RCL1: variants seen among roughly 807,000 people sequenced by gnomAD.
The protein encoded by RCL1 is RNA terminal phosphate cyclase like 1, also known as RNA 3'-terminal phosphate cyclase-like protein.
RCL1 carries 24 observed loss-of-function variants against 42.4 expected under a neutral mutation model. That is an observed-to-expected ratio of 0.57 (90% CI 0.41 to 0.80). RCL1 has a LOEUF of 0.80. Among genes scored for constraint, RCL1 ranks in the 30% least tolerant of loss-of-function variants. The probability of loss-of-function intolerance (pLI) is 0.00; values close to 1 mark genes in which losing one functional copy is unlikely to be tolerated. For missense variants in RCL1, 578 were observed against 467.9 expected, an observed-to-expected ratio of 1.24 and a Z score of -2.17; for synonymous variants, 228 against 177.3, an observed-to-expected ratio of 1.29 and a Z score of -2.27.
chr9:4,796,982 C>T (rs1842923710), intron 1 of RCL1, among the ~76,000 whole-genome samples: 1 of 152,078 alleles, frequency 6.6e-6, no homozygotes, highest in African/African-American at 2.4e-5. Context: ...TCAAAAAGTT[C>T]TTTATTTTCT....
chr9:4,806,046 T>TGTGTG (rs1587696264), intron 1 of RCL1, among the ~76,000 whole-genome samples: 8 of 71,318 alleles, frequency 1.1e-4, no homozygotes, highest in South Asian at 4.3e-4. Context: ...GTGTGTGTGT[T>TGTGTG]TGTGTGTGTG....
At chr9:4,859,104 G>A (rs1257292733) in intron 8 of RCL1, among the ~76,000 whole-genome samples, 1 of 152,126 alleles carries the variant, frequency 6.6e-6, no homozygotes, top group African/African-American at 2.4e-5. Context: ...TTATGGTCAG[G>A]CTAGCTGGGG....
chr9:4,811,540 C>G (rs1209465139), intron 1 of RCL1, among the ~76,000 whole-genome samples: 2 of 152,124 alleles, frequency 1.3e-5, no homozygotes, highest in African/African-American at 4.8e-5. Context: ...TCTGGCTTAT[C>G]TTACTTAACA....
At chr9:4,831,468 T>C (rs1271301407) in intron 3 of RCL1, among the ~76,000 whole-genome samples, 1 of 152,186 alleles carries the variant, frequency 6.6e-6, no homozygotes, top group Non-Finnish European at 1.5e-5. Flanking sequence ...ATTAAGTTTT[T>C]GAGTGTGCTT....
At chr9:4,835,271 A>G (rs568362782) in intron 5 of RCL1, among the ~76,000 whole-genome samples, 8 of 152,366 alleles carry the variant, frequency 5.3e-5, no homozygotes, top group South Asian at 2.1e-4. Flanking sequence ...TGAAAGCAAG[A>G]GTTAAGTAAG....
At position 4,804,772 on chromosome 9, in the gene RCL1, G is replaced by T. The variant is rs147886006; in HGVS notation, c.136+11545G>T. On this transcript the variant is annotated intron_variant, in intron 1 of 8. Coordinates refer to ENST00000381750, the MANE Select transcript of RCL1 (RefSeq NM_005772.5). ...ACGGTGGCGGCCACTGACTCCTGCC[G>T]GAGCAGCGAATTGGAAGGGATGAAG... 303 of 181,774 alleles carry T rather than the reference G, an allele frequency of 1.7e-3. 4 individuals carry two copies. The highest frequency in any genetic ancestry group is 6.1e-3 in the African/African-American group (255 of 41,842). The allele number at this position is 181,774 out of a possible 1,614,324, so 11.3% of individuals were successfully genotyped here.
chr9:4,812,899 CT>C (rs1816230626), intron 1 of RCL1, among the ~76,000 whole-genome samples: 1 of 151,954 alleles, frequency 6.6e-6, no homozygotes, highest in African/African-American at 2.4e-5. Flanking sequence ...AAAAATGTTA[CT>C]GATTTTTGTG....
intron 1 of RCL1, 86 bp downstream of exon 1, chr9:4,793,313 T>C (rs1842861555): frequency 7.1e-7 from 1 of 1,406,210 alleles, no homozygotes. Context: ...GCGGTGTTGG[T>C]TGGGCGGCTC....
At chr9:4,835,118 A>G (rs1817079360) in intron 5 of RCL1, among the ~76,000 whole-genome samples, 1 of 152,150 alleles carries the variant, frequency 6.6e-6, no homozygotes, top group Admixed American at 6.5e-5. Context: ...GTGTGGCCAG[A>G]TTTCAGGTTG....
chr9:4,816,033 C>T (rs1352456618), intron 1 of RCL1, among the ~76,000 whole-genome samples: 1 of 152,086 alleles, frequency 6.6e-6, no homozygotes, highest in Non-Finnish European at 1.5e-5. Context: ...CACCCTTCCT[C>T]AGTTATTTGT....
intron 1 of RCL1, among the ~76,000 whole-genome samples, chr9:4,821,655 TC>T (rs1341844847): frequency 6.6e-6 from 1 of 150,626 alleles, no homozygotes; most frequent in Non-Finnish European, 1.5e-5. Flanking sequence ...TTTTTTTTTT[TC>T]CCCCCAGAGA....
intron 7 of RCL1, among the ~76,000 whole-genome samples, chr9:4,847,966 C>T (rs1205380938): frequency 2.0e-5 from 3 of 152,200 alleles, no homozygotes; most frequent in Non-Finnish European, 4.4e-5. Flanking sequence ...GGTGACACCT[C>T]CCCCCAGCAT....
intron 1 of RCL1, among the ~76,000 whole-genome samples, chr9:4,806,587 TACACAC>T (rs71326137): frequency 0.078 from 10,569 of 135,656 alleles, 439 homozygotes; most frequent in Non-Finnish European, 0.1. Context: ...CTACTTGATC[TACACAC>T]ACACACACAC....
intron 3 of RCL1, among the ~76,000 whole-genome samples, chr9:4,829,469 A>T (rs958525805): frequency 2.6e-5 from 4 of 152,198 alleles, no homozygotes; most frequent in African/African-American, 9.6e-5. Flanking sequence ...ATAATGAGTG[A>T]TGCTTTTTAT....
At chr9:4,828,741 G>A (rs1322785574) in intron 3 of RCL1, among the ~76,000 whole-genome samples, 1 of 152,074 alleles carries the variant, frequency 6.6e-6, no homozygotes, top group East Asian at 1.9e-4. Flanking sequence ...TATCTTAAAA[G>A]CTTTTCTCAC....
At chr9:4,820,228 C>T (rs964105677) in intron 1 of RCL1, among the ~76,000 whole-genome samples, 1 of 152,166 alleles carries the variant, frequency 6.6e-6, no homozygotes, top group African/African-American at 2.4e-5. Context: ...GAAGAGGAGT[C>T]AGCAGGGTGT....
intron 5 of RCL1, among the ~76,000 whole-genome samples, chr9:4,837,729 C>A (rs886268941): frequency 2.0e-5 from 3 of 152,148 alleles, no homozygotes; most frequent in African/African-American, 7.2e-5. Context: ...GTGCCGGGCA[C>A]CTTGGGTGTA....
chr9:4,797,290 T>C (rs1842928170), intron 1 of RCL1, among the ~76,000 whole-genome samples: 1 of 152,234 alleles, frequency 6.6e-6, no homozygotes, highest in Admixed American at 6.5e-5. Flanking sequence ...GATTTTATTA[T>C]TATGTAGCTT....
In RCL1 at chr9:4,831,840, G is replaced by T. The variant is rs1208515325; in HGVS notation, c.385-1314G>T. 3.9e-5 allele frequency among the ~76,000 whole-genome samples: 6 copies of T among 152,206 alleles called. No homozygotes were observed. In the East Asian group the frequency reaches 9.6e-4, roughly 24 times the overall value. On this transcript the variant is annotated intron_variant, in intron 3 of 8. Coordinates refer to ENST00000381750, the MANE Select transcript of RCL1 (RefSeq NM_005772.5). ...ATATTTAGTTGGGGCTTCTTAGCCT[G>T]TTAGAGTTAGTTGTAACTTGGAGAT...
Sources: gnomAD v4.1 joint callset for allele counts (sites outside exome capture counted in the v4.1 genomes callset) on GRCh38, gnomAD v4.1.1 for gene constraint, MANE v1.5 for transcripts, NCBI Gene and HGNC (gene_info 2026-07-23, HGNC 2026-07-21) for gene names.